The following PTPDC1 variants were observed in gnomAD, a reference collection of about 807,000 sequenced individuals.
The protein encoded by PTPDC1 is protein tyrosine phosphatase domain containing 1, also known as protein tyrosine phosphatase domain-containing protein 1.
A neutral mutation model predicts 75.3 loss-of-function variants in PTPDC1; 53 were observed. That is an observed-to-expected ratio of 0.70 (90% CI 0.56 to 0.88). The LOEUF (loss-of-function observed/expected upper bound fraction) is 0.88, where lower values mean the gene tolerates loss of function less well. PTPDC1 is among the 40% of genes least tolerant of loss of function. The pLI is 0.00. For synonymous variants in PTPDC1, 349 were observed against 366.2 expected (o/e 0.95, Z 0.54); for missense variants, 925 against 998.6 (o/e 0.93, Z 0.99).
chr9:94,084,254 A>G (rs982344267), upstream of PTPDC1, among the ~76,000 whole-genome samples: 3 of 152,358 alleles, frequency 2.0e-5, no homozygotes, highest in African/African-American at 7.2e-5. Flanking sequence ...GCATTTGAGA[A>G]ACAAAATTTA....
chr9:94,085,446 A>G, intron 2 of PTPDC1, 24 bp downstream of exon 2: 1 of 1,613,272 alleles, frequency 6.2e-7, no homozygotes, highest in Non-Finnish European at 8.5e-7. Context: ...TTGGTCTTTC[A>G]TAGCTCTGTT....
chr9:94,052,313 G>T (rs1825815162), intron 1 of PTPDC1, among the ~76,000 whole-genome samples: 1 of 152,044 alleles, frequency 6.6e-6, no homozygotes, highest in Admixed American at 6.6e-5. Flanking sequence ...TTTAATTCTG[G>T]TGTGGTCTAA....
At chr9:94,068,218 A>G (rs913909030) in intron 2 of PTPDC1, among the ~76,000 whole-genome samples, 6 of 152,208 alleles carry the variant, frequency 3.9e-5, no homozygotes, top group Admixed American at 3.9e-4. Flanking sequence ...CAAGAAAAGC[A>G]CACAAAAGAA....
chr9:94,105,696 T>C (rs1003138916), intron 8 of PTPDC1, among the ~76,000 whole-genome samples: 66 of 140,458 alleles, frequency 4.7e-4, no homozygotes, highest in South Asian at 2.0e-3. Flanking sequence ...TGGCCAGGCA[T>C]GGTGGCTCAA....
At chr9:94,089,152 A>C (rs1827188243) in intron 4 of PTPDC1, among the ~76,000 whole-genome samples, 2 of 148,054 alleles carry the variant, frequency 1.4e-5, no homozygotes, top group East Asian at 2.0e-4. Flanking sequence ...ATATGTATAC[A>C]TGTGCCATGC....
chr9:94,042,645 G>A (rs897321090), intron 1 of PTPDC1, among the ~76,000 whole-genome samples: 3 of 152,138 alleles, frequency 2.0e-5, no homozygotes, highest in South Asian at 2.1e-4. Flanking sequence ...CTGACTGATC[G>A]GGATAGACTT....
At chr9:94,081,155 C>G (rs1826871029), upstream of PTPDC1, among the ~76,000 whole-genome samples, 2 of 151,854 alleles carry the variant, frequency 1.3e-5, no homozygotes. Flanking sequence ...ACACCCAGCC[C>G]ATTTTTGTAT....
At chr9:94,106,936 GGTTTGTTTGTTTGTTT>G (rs112737054) in intron 8 of PTPDC1, among the ~76,000 whole-genome samples, 3 of 151,238 alleles carry the variant, frequency 2.0e-5, no homozygotes, top group African/African-American at 7.3e-5. Flanking sequence ...ATCAAGGTGG[GGTTTGTTTGTTTGTTT>G]GTTTGTTTGT....
chr9:94,053,175 T>A (rs941023742), intron 1 of PTPDC1, among the ~76,000 whole-genome samples: 1 of 152,090 alleles, frequency 6.6e-6, no homozygotes, highest in African/African-American at 2.4e-5. Context: ...AGGGTATATT[T>A]GAGGTGTGAA....
intron 2 of PTPDC1, among the ~76,000 whole-genome samples, chr9:94,070,126 A>G (rs2117899933): frequency 6.6e-6 from 1 of 152,240 alleles, no homozygotes; most frequent in South Asian, 2.1e-4. Flanking sequence ...CCTGGCCAAT[A>G]CTTTCAATTC....
At chr9:94,093,617 C>T (rs1827415833) in intron 4 of PTPDC1, among the ~76,000 whole-genome samples, 2 of 151,520 alleles carry the variant, frequency 1.3e-5, no homozygotes, top group Non-Finnish European at 2.9e-5. Context: ...TTTCCTGAAT[C>T]TGAACATTGG....
At chr9:94,046,467 C>G (rs1358160224) in intron 1 of PTPDC1, among the ~76,000 whole-genome samples, 1 of 152,156 alleles carries the variant, frequency 6.6e-6, no homozygotes, top group Non-Finnish European at 1.5e-5. Context: ...TTGATTCTTC[C>G]TACCTATGAG....
chr9:94,059,671 C>T (rs997915231), intron 1 of PTPDC1, among the ~76,000 whole-genome samples: 1 of 152,090 alleles, frequency 6.6e-6, no homozygotes, highest in Non-Finnish European at 1.5e-5. Context: ...ATTATTACCC[C>T]CAGCCCCAGA....
At position 94,098,027 on chromosome 9, in the gene PTPDC1, T is replaced by C. The variant is rs565511559; in HGVS notation, c.1461T>C (p.Cys487=). 1 of 1,614,178 alleles carries C rather than the reference T, an allele frequency of 6.2e-7. No homozygotes were observed. Among genetic ancestry groups the C allele is most frequent in the Admixed American group, 1.7e-5 (1 of 60,024 alleles). ...KPRQQKLISH[C]YIPQSPEPDL... ...GGCAGCAGAAGCTCATAAGCCATTGTTACATCCCACAGTCTCCAGAACCAG... is the reference window on the plus strand; with the variant it reads ...GGCAGCAGAAGCTCATAAGCCATTGCTACATCCCACAGTCTCCAGAACCAG... The change falls in exon 6 of 9, where the codon TGT becomes TGC. Residue 487 remains cysteine, a synonymous_variant. Transcript: ENST00000620992.
At chr9:94,078,280 A>G (rs1826762690) in intron 2 of PTPDC1, among the ~76,000 whole-genome samples, 2 of 152,196 alleles carry the variant, frequency 1.3e-5, no homozygotes, top group Non-Finnish European at 2.9e-5. Flanking sequence ...ATCTTGCTGC[A>G]TGTAAGATTC....
rs757933325 is a variant in PTPDC1, at chr9:94,107,897, G to A, written c.2380G>A (p.Glu794Lys). The change falls in exon 9 of 9, where the codon GAA becomes AAA. Residue 794 changes from glutamate to lysine, a missense_variant. By Grantham distance (56) the Glu-to-Lys change is moderately conservative. Transcript: ENST00000620992. ...GAAGAAAATATTTAAGCACACGCTG[G>A]AAGAAAAAAGAAAAATGACAAAAGA... ...TLKKIFKHTL[E>K]EKRKMTKDGP... 4 of 1,609,280 alleles carry A rather than the reference G, an allele frequency of 2.5e-6. No individual in the cohort carries two copies. In the South Asian group the frequency reaches 3.3e-5, roughly 13 times the overall value.
At chr9:94,093,041 T>C (rs1299508439) in intron 4 of PTPDC1, among the ~76,000 whole-genome samples, 2 of 152,098 alleles carry the variant, frequency 1.3e-5, no homozygotes, top group Non-Finnish European at 2.9e-5. Flanking sequence ...TTTATTCAAT[T>C]TGCCAGTCTG....
intron 2 of PTPDC1, 115 bp from the exon 3 acceptor site, chr9:94,087,716 T>C (rs1177904701): frequency 4.0e-5 from 28 of 704,348 alleles, no homozygotes; most frequent in Admixed American, 2.9e-4. Context: ...AAAAGAATAT[T>C]CTAACAGAGT....
chr9:94,052,965 T>C, intron 1 of PTPDC1, among the ~76,000 whole-genome samples: 1 of 152,216 alleles, frequency 6.6e-6, no homozygotes, highest in East Asian at 1.9e-4. Flanking sequence ...GGAAAAAGGA[T>C]GGGAAATATA....
Sources: gnomAD v4.1 joint callset for allele counts (sites outside exome capture counted in the v4.1 genomes callset) on GRCh38, gnomAD v4.1.1 for gene constraint, MANE v1.5 for transcripts, NCBI Gene and HGNC (gene_info 2026-07-23, HGNC 2026-07-21) for gene names.